The following C3orf38 variants were observed in gnomAD, a reference collection of about 807,000 sequenced individuals.
C3orf38 encodes the protein uncharacterized protein C3orf38.
A neutral mutation model predicts 28.3 loss-of-function variants in C3orf38; 18 were observed. The observed-to-expected ratio is 0.64, with a 90% CI of 0.44 to 0.94. The LOEUF (loss-of-function observed/expected upper bound fraction) is 0.94, where lower values mean the gene tolerates loss of function less well. Among genes scored for constraint, C3orf38 ranks in the 40% least tolerant of loss-of-function variants. The pLI, the probability that C3orf38 is intolerant of heterozygous loss-of-function variation, is 0.00. For missense variants in C3orf38, 364 were observed against 396.4 expected, an observed-to-expected ratio of 0.92 and a Z score of 0.69; for synonymous variants, 145 against 138.1, an observed-to-expected ratio of 1.05 and a Z score of -0.35.
chr3:88,155,836 C>G (rs541597736), intron 2 of C3orf38, among the ~76,000 whole-genome samples, 185 bp from the exon 3 acceptor site: 1 of 152,244 alleles, frequency 6.6e-6, no homozygotes, highest in South Asian at 2.1e-4. Context: ...CTGGAAATTT[C>G]TAAAATGATT....
chr3:88,153,857 C>G (rs1707447966), intron 2 of C3orf38, among the ~76,000 whole-genome samples: 1 of 152,196 alleles, frequency 6.6e-6, no homozygotes, highest in Admixed American at 6.5e-5. Context: ...GCCACCATGC[C>G]CAGCCTATTT....
intron 1 of C3orf38, among the ~76,000 whole-genome samples, chr3:88,152,895 G>A (rs7431968): frequency 0.93 from 142,022 of 152,280 alleles, 66,359 homozygotes; most frequent in African/African-American, 0.98. Context: ...TAGAGGTTGT[G>A]CATGAATTTA....
At chr3:88,153,558 T>A (rs544971817) in intron 2 of C3orf38, 87 bp downstream of exon 2, 2 of 1,454,808 alleles carry the variant, frequency 1.4e-6, no homozygotes, top group Admixed American at 4.5e-5. Flanking sequence ...ACATGGTTAA[T>A]AATGTTTGTG....
At chr3:88,153,642 G>A (rs575671410) in intron 2 of C3orf38, among the ~76,000 whole-genome samples, 171 bp downstream of exon 2, 80 of 152,168 alleles carry the variant, frequency 5.3e-4, no homozygotes, top group Middle Eastern at 6.8e-3. Flanking sequence ...TGTAATCATA[G>A]CTCACTGCAG....
Position 88,156,479 on chromosome 3 carries a change from G to C in C3orf38, c.834G>C (p.Glu278Asp). The change falls in exon 3 of 3, where the codon GAG becomes GAC. Residue 278 changes from glutamate to aspartate, a missense_variant. By Grantham distance (45) the Glu-to-Asp change is conservative. Coordinates refer to ENST00000318887, the MANE Select transcript of C3orf38 (RefSeq NM_173824.4). ...TTATCAACCTGAAAATTATGGGAGA[G>C]AGTTCCCTTGCTCCTGGAACATTAC... ...IKFINLKIMG[E>D]SSLAPGTLPK... is the part of the protein sequence containing the mutation. The C allele has an allele frequency of 6.2e-7, 1 of 1,614,148 alleles. No homozygotes were observed. The highest frequency in any genetic ancestry group is 8.5e-7 in the Non-Finnish European group (1 of 1,180,016).
intron 1 of C3orf38, 35 bp from the exon 2 acceptor site, chr3:88,153,195 A>T: frequency 6.3e-7 from 1 of 1,587,416 alleles, no homozygotes; most frequent in Non-Finnish European, 8.6e-7. Flanking sequence ...TAAGTGCCTC[A>T]TGATTTTTTA....
intron 2 of C3orf38, 132 bp from the exon 3 acceptor site, chr3:88,155,889 C>T (rs560087702): frequency 8.0e-6 from 5 of 623,730 alleles, no homozygotes; most frequent in East Asian, 3.0e-5. Flanking sequence ...ATAATGGGTT[C>T]AGCAAGTTCA....
intron 2 of C3orf38, 32 bp from the exon 3 acceptor site, chr3:88,155,989 T>C (rs1202518326): frequency 6.7e-7 from 1 of 1,481,968 alleles, no homozygotes; most frequent in Non-Finnish European, 9.0e-7. Flanking sequence ...ACCTTAGTGT[T>C]ATTTTGTATT....
Position 88,156,394 on chromosome 3 carries a change from T to C in C3orf38, c.749T>C (p.Phe250Ser). ...VHRGNTCLGI[F>S]EQIFGLIRCP... ...CGAGGAAACACTTGTTTGGGCATTT[T>C]TGAACAAATTTTTGGACTCATCCGC... Residue 250 changes from phenylalanine to serine, a missense_variant, in exon 3 of 3, where the codon TTT (phenylalanine) becomes TCT (serine). Transcript: ENST00000318887. 6.2e-7 allele frequency: 1 copy of C among 1,614,218 alleles called. No individual in the cohort carries two copies. The highest frequency in any genetic ancestry group is 8.5e-7 in the Non-Finnish European group (1 of 1,180,038).
At position 88,156,429 on chromosome 3, in the gene C3orf38, G is replaced by C; in HGVS notation, c.784G>C (p.Val262Leu). The C allele has an allele frequency of 6.2e-7, 1 of 1,614,184 alleles. No homozygotes were observed. The highest frequency in any genetic ancestry group is 8.5e-7 in the Non-Finnish European group (1 of 1,180,024). Residue 262 changes from valine to leucine, a missense_variant, in exon 3 of 3, where the codon GTG (valine) becomes CTG (leucine). Coordinates refer to ENST00000318887, the MANE Select transcript of C3orf38 (RefSeq NM_173824.4). ...TTTTGGACTCATCCGCTGCCCTTTT[G>C]TGGAGAATACTTGGAAAATCAAATT... is the stretch of plus-strand genomic sequence containing the variant. ...QIFGLIRCPF[V>L]ENTWKIKFIN...
At chr3:88,154,350 C>T (rs1204381893) in intron 2 of C3orf38, among the ~76,000 whole-genome samples, 2 of 148,936 alleles carry the variant, frequency 1.3e-5, no homozygotes, top group Admixed American at 1.4e-4. Flanking sequence ...CCCGCCCCCA[C>T]ATTGGAACCT....
At chr3:88,153,553 G>A in intron 2 of C3orf38, 82 bp downstream of exon 2, 1 of 1,467,236 alleles carries the variant, frequency 6.8e-7, no homozygotes, top group Non-Finnish European at 9.2e-7. Flanking sequence ...GGGGAACATG[G>A]TTAATAATGT....
chr3:88,156,616 G>A lies in C3orf38; in HGVS notation c.971G>A (p.Gly324Glu), dbSNP rs1163498326. The A allele has an allele frequency of 1.2e-6, 2 of 1,610,236 alleles. No individual in the cohort carries two copies. Among genetic ancestry groups the A allele is most frequent in the Non-Finnish European group, 1.7e-6 (2 of 1,178,238 alleles). Residue 324 changes from glycine (G) to glutamate (E), a missense_variant, in exon 3 of 3, where the codon GGA becomes GAA. By Grantham distance (98) the Gly-to-Glu change is moderately conservative. Transcript: ENST00000318887. Reference sequence around the variant, plus strand: ...AATGTAAAGCAGGCTTCGGATAGTGGAACTGGGGACCAAGTTTGAGGTAGT... The same window carrying A: ...AATGTAAAGCAGGCTTCGGATAGTGAAACTGGGGACCAAGTTTGAGGTAGT... ...RHNVKQASDSGTGDQV is the reference protein window; with the variant it reads ...RHNVKQASDSETGDQV
In C3orf38 at chr3:88,156,451, A is replaced by G. The variant is rs200718110; in HGVS notation, c.806A>G (p.Lys269Arg). Residue 269 changes from lysine (K) to arginine (R), a missense_variant, in exon 3 of 3, where the codon AAA becomes AGA. Lys to Arg is a conservative substitution (Grantham distance 26). Transcript: ENST00000318887. ...TTTGTGGAGAATACTTGGAAAATCAAATTTATCAACCTGAAAATTATGGGA... is the reference window on the plus strand; with the variant it reads ...TTTGTGGAGAATACTTGGAAAATCAGATTTATCAACCTGAAAATTATGGGA... ...CPFVENTWKI[K>R]FINLKIMGES... 177 of 1,614,170 alleles carry G rather than the reference A, an allele frequency of 1.1e-4. No individual in the cohort carries two copies. The highest frequency in any genetic ancestry group is 1.7e-5 in the Non-Finnish European group (20 of 1,180,034).
At position 88,150,039 on chromosome 3, in the gene C3orf38, C is replaced by CT. The variant is rs777779273; in HGVS notation, c.-14_-13insT. 3.2e-5 allele frequency: 52 copies of CT among 1,613,934 alleles called. No individual in the cohort carries two copies. The highest frequency in any genetic ancestry group is 4.1e-5 in the Non-Finnish European group (48 of 1,179,966). ...CGACATTGTTGCCGTTGTCTTTCCC[C>CT]CCCAGTCCCGGGGATGGAGATGTCG... On this transcript the variant is annotated 5_prime_UTR_variant, in exon 1 of 3. Transcript: ENST00000318887.
In C3orf38 at chr3:88,150,185, G is replaced by A. The variant is rs1482975500; in HGVS notation, c.133G>A (p.Asp45Asn). The A allele has an allele frequency of 1.2e-6, 2 of 1,613,768 alleles. No homozygotes were observed. The highest frequency in any genetic ancestry group is 1.3e-5 in the African/African-American group (1 of 74,940). Residue 45 changes from aspartate (D) to asparagine (N), a missense_variant and splice_region_variant, in exon 1 of 3, where the codon GAT becomes AAT. Physicochemically the swap from Asp to Asn is conservative, Grantham distance 23. Transcript: ENST00000318887. ...NRLVQPQDRQDAVHAILAYSQ... is the reference protein window; with the variant it reads ...NRLVQPQDRQNAVHAILAYSQ... Reference sequence around the variant, plus strand: ...CCTGGTGCAGCCTCAGGACCGCCAAGGTAAGGGCGGACCCTTCACCTAGAA... The same window carrying A: ...CCTGGTGCAGCCTCAGGACCGCCAAAGTAAGGGCGGACCCTTCACCTAGAA...
At chr3:88,154,571 C>G (rs1367796116) in intron 2 of C3orf38, among the ~76,000 whole-genome samples, 2 of 152,180 alleles carry the variant, frequency 1.3e-5, no homozygotes, top group Non-Finnish European at 2.9e-5. Context: ...TGAGGTTTCA[C>G]AGTGAGAAAG....
chr3:88,154,540 A>G (rs1293697441), intron 2 of C3orf38, among the ~76,000 whole-genome samples: 1 of 152,226 alleles, frequency 6.6e-6, no homozygotes, highest in Non-Finnish European at 1.5e-5. Flanking sequence ...TTTAAACTAC[A>G]TACCACATTT....
In C3orf38 at chr3:88,156,067, T is replaced by C. The variant is rs747606558; in HGVS notation, c.422T>C (p.Leu141Pro). 2 of 1,567,982 alleles carry C rather than the reference T, an allele frequency of 1.3e-6. No homozygotes were observed. The highest frequency in any genetic ancestry group is 1.7e-6 in the Non-Finnish European group (2 of 1,160,784). Residue 141 changes from leucine (L) to proline (P), a missense_variant, in exon 3 of 3, where the codon CTA becomes CCA. Leu to Pro is a moderately conservative substitution (Grantham distance 98, BLOSUM62 -3). Coordinates refer to ENST00000318887, the MANE Select transcript of C3orf38 (RefSeq NM_173824.4). ...KKAEKVDFRR[L>P]GEEFCHWFFG... ...GCTGAAAAAGTTGATTTTCGTCGCC[T>C]AGGAGAAGAATTCTGTCATTGGTTC...
Sources: gnomAD v4.1 joint callset for allele counts (sites outside exome capture counted in the v4.1 genomes callset) on GRCh38, gnomAD v4.1.1 for gene constraint, MANE v1.5 for transcripts, NCBI Gene and HGNC (gene_info 2026-07-23, HGNC 2026-07-21) for gene names.